TPRA1: variants seen among roughly 807,000 people sequenced by gnomAD.
TPRA1 encodes transmembrane protein adipocyte associated 1.
A neutral mutation model predicts 40.1 loss-of-function variants in TPRA1; 28 were observed. That is an observed-to-expected ratio of 0.70 (90% CI 0.52 to 0.96). TPRA1 has a LOEUF of 0.96. TPRA1 is among the 40% of genes least tolerant of loss of function. The pLI, the probability that TPRA1 is intolerant of heterozygous loss-of-function variation, is 0.00. For missense variants in TPRA1, 441 were observed against 482.6 expected (o/e 0.91, Z 0.81); for synonymous variants, 219 against 209.7 (o/e 1.04, Z -0.38).
At chr3:127,586,481 C>A (rs1026066586) in intron 1 of TPRA1, among the ~76,000 whole-genome samples, 4 of 152,210 alleles carry the variant, frequency 2.6e-5, no homozygotes, top group Non-Finnish European at 4.4e-5. Context: ...ATCTCAGCCT[C>A]CCAAGTAGCT....
chr3:127,583,901 C>G lies in TPRA1; in HGVS notation c.-17-3738G>C, dbSNP rs553782153. On this transcript the variant is annotated intron_variant, in intron 1 of 10. Coordinates refer to ENST00000355552, the MANE Select transcript of TPRA1 (RefSeq NM_001136053.4). ...GGCCAGGATGGTCTCGATCTCCTGACCTCGTGATCCGCCCACCTCGGCCTC... is the reference window on the plus strand; with the variant it reads ...GGCCAGGATGGTCTCGATCTCCTGAGCTCGTGATCCGCCCACCTCGGCCTC... Among the ~76,000 whole-genome samples the G allele has an allele frequency of 2.7e-4, 41 of 152,024 alleles. No individual in the cohort carries two copies. The South Asian group carries it at 5.2e-3, about 19-fold the overall frequency.
upstream of TPRA1, among the ~76,000 whole-genome samples, chr3:127,592,375 T>G (rs934176626): frequency 3.3e-3 from 428 of 131,608 alleles, 1 homozygote; most frequent in African/African-American, 0.011. Flanking sequence ...CTGTTTTTTT[T>G]TTTTTTTTTT....
intron 1 of TPRA1, 144 bp from the exon 2 acceptor site, chr3:127,580,307 G>A (rs768942634): frequency 3.2e-6 from 3 of 931,276 alleles, no homozygotes; most frequent in Non-Finnish European, 4.7e-6. Flanking sequence ...GCAGCTCAGT[G>A]TGGGGCTCCA....
upstream of TPRA1, among the ~76,000 whole-genome samples, chr3:127,593,148 G>A (rs2074206323): frequency 6.6e-6 from 1 of 152,236 alleles, no homozygotes; most frequent in South Asian, 2.1e-4. Context: ...GCCTTTGAGA[G>A]CTGAGGCAGT....
At chr3:127,575,065 T>C in intron 10 of TPRA1, 120 bp downstream of exon 10, 2 of 1,055,296 alleles carry the variant, frequency 1.9e-6, no homozygotes, top group East Asian at 2.5e-5. Context: ...TGTATGTATG[T>C]GCGTGCGCAT....
At chr3:127,596,971 C>T (rs894992378) in intron 1 of TPRA1, among the ~76,000 whole-genome samples, 1 of 152,108 alleles carries the variant, frequency 6.6e-6, no homozygotes, top group East Asian at 1.9e-4. Context: ...CAAAAATTAA[C>T]CGGGCACAAT....
At position 127,573,598 on chromosome 3, in the gene TPRA1, C is replaced by A. The variant is rs776055660; in HGVS notation, c.1045G>T (p.Asp349Tyr). 1 of 1,613,186 alleles carries A rather than the reference C, an allele frequency of 6.2e-7. No individual in the cohort carries two copies. Residue 349 changes from aspartate to tyrosine, a missense_variant, in exon 11 of 11, where the codon GAC (aspartate) becomes TAC (tyrosine). Transcript: ENST00000355552. ...GTGTGGCAGGGCATGGAAGCGATGT[C>A]ATCCAGGTAGGCCACCCCGCCGGCA... ...DSAGGVAYLD[D>Y]IASMPCHTGS... is the part of the protein sequence containing the mutation.
Position 127,580,082 on chromosome 3 carries a change from G to A in TPRA1, c.65C>T (p.Pro22Leu). The A allele has an allele frequency of 1.2e-6, 2 of 1,613,860 alleles. No individual in the cohort carries two copies. Among genetic ancestry groups the A allele is most frequent in the Non-Finnish European group, 1.7e-6 (2 of 1,180,012 alleles). ...GSTALPPPLA[P>L]NISVPHRCLL... Reference sequence around the variant, plus strand: ...GCAGCGATGAGGCACACTGATGTTTGGTGCCAGGGGTGGGGGTAGCGCTGT... The same window carrying A: ...GCAGCGATGAGGCACACTGATGTTTAGTGCCAGGGGTGGGGGTAGCGCTGT... Residue 22 changes from proline to leucine, a missense_variant, in exon 2 of 11, where the codon CCA (proline) becomes CTA (leucine). Transcript: ENST00000355552.
At chr3:127,583,623 C>T (rs1035226253) in intron 1 of TPRA1, among the ~76,000 whole-genome samples, 1 of 151,758 alleles carries the variant, frequency 6.6e-6, no homozygotes, top group Admixed American at 6.6e-5. Flanking sequence ...GAAGATGGCT[C>T]CTTCCCTACT....
chr3:127,585,090 T>C (rs73858490), intron 1 of TPRA1, among the ~76,000 whole-genome samples: 36 of 152,286 alleles, frequency 2.4e-4, no homozygotes, highest in African/African-American at 8.7e-4. Flanking sequence ...AAATAATCTA[T>C]TTTATTATCC....
In TPRA1 at chr3:127,576,533, A is replaced by T; in HGVS notation, c.498+84T>A. ...TTTGAGAACTCTGAAGGTGATAAAG[A>T]CTGGAAACCTGACCCAGACCCAGAA... On this transcript the variant is annotated intron_variant, in intron 6 of 10. Transcript: ENST00000355552. This position sits in a 1 kb window ranked among gnomAD's most constrained non-coding sequence, Gnocchi z 4.6. 7.5e-7 allele frequency: 1 copy of T among 1,331,412 alleles called. No homozygotes were observed. The highest frequency in any genetic ancestry group is 1.4e-5 in the South Asian group (1 of 73,474). 82.5% of individuals were successfully genotyped at this position (1,331,412 alleles called of 1,614,324 possible). A position where few individuals can be genotyped will look rare whatever the true frequency, so the allele number is the denominator to read the frequency against.
chr3:127,574,059 A>G (rs2073479448), intron 10 of TPRA1, among the ~76,000 whole-genome samples: 1 of 152,150 alleles, frequency 6.6e-6, no homozygotes, highest in African/African-American at 2.4e-5. Flanking sequence ...GTGTGGAGGA[A>G]GAATGGACAT....
Position 127,597,100 on chromosome 3 carries a change from A to G in TPRA1, c.-391+907T>C, listed in dbSNP as rs1006038721. Among the ~76,000 whole-genome samples, 5 of 151,274 alleles carry G rather than the reference A, an allele frequency of 3.3e-5. No individual in the cohort carries two copies. The East Asian group carries it at 9.7e-4, about 29-fold the overall frequency. ...CACTGCACTCCAGCCTGGGTGACAG[A>G]GTGACTCTGTCTCAAAAAAAAAAAA... On this transcript the variant is annotated intron_variant, in intron 1 of 3. Transcript: ENST00000462228.
chr3:127,589,452 G>A (rs1212005256), intron 1 of TPRA1, among the ~76,000 whole-genome samples: 1 of 152,206 alleles, frequency 6.6e-6, no homozygotes, highest in Non-Finnish European at 1.5e-5. Context: ...GGGTGACAAG[G>A]TGGGGAAGGC....
At position 127,576,471 on chromosome 3, in the gene TPRA1, G is replaced by A. The variant is rs2107627325; in HGVS notation, c.498+146C>T. On this transcript the variant is annotated intron_variant, in intron 6 of 10. Coordinates refer to ENST00000355552, the MANE Select transcript of TPRA1 (RefSeq NM_001136053.4). This position sits in a 1 kb window ranked among gnomAD's most constrained non-coding sequence, Gnocchi z 4.6. Reference sequence around the variant, plus strand: ...CCAGGGGACCCCAGAATGTGCCTCGGTAACAAGCACCCCATGTGATTTCTC... The same window carrying A: ...CCAGGGGACCCCAGAATGTGCCTCGATAACAAGCACCCCATGTGATTTCTC... 1 of 816,590 alleles carries A rather than the reference G, an allele frequency of 1.2e-6. No homozygotes were observed. The highest frequency in any genetic ancestry group is 1.9e-6 in the Non-Finnish European group (1 of 534,582). 50.6% of individuals were successfully genotyped at this position (816,590 alleles called of 1,614,324 possible).
intron 1 of TPRA1, among the ~76,000 whole-genome samples, chr3:127,589,708 C>G (rs1447903793): frequency 6.6e-6 from 1 of 152,160 alleles, no homozygotes; most frequent in Admixed American, 6.5e-5. Flanking sequence ...GAAGCCTTCC[C>G]TTCTCAGCTG....
At chr3:127,582,556 G>T (rs1400623127) in intron 1 of TPRA1, among the ~76,000 whole-genome samples, 1 of 152,002 alleles carries the variant, frequency 6.6e-6, no homozygotes, top group Non-Finnish European at 1.5e-5. Flanking sequence ...ACAAAAATTA[G>T]CCAGGCATGG....
intron 1 of TPRA1, among the ~76,000 whole-genome samples, chr3:127,585,972 T>C (rs532127563): frequency 7.2e-5 from 11 of 152,294 alleles, no homozygotes; most frequent in African/African-American, 2.6e-4. Flanking sequence ...CTGCAATGCA[T>C]AGGACAGTCT....
At chr3:127,589,299 G>A (rs2074095373) in intron 1 of TPRA1, among the ~76,000 whole-genome samples, 1 of 152,130 alleles carries the variant, frequency 6.6e-6, no homozygotes, top group South Asian at 2.1e-4. Flanking sequence ...TCTCTCATCT[G>A]TGCAACAGGA....
Sources: allele counts gnomAD v4.1 joint callset (sites outside exome capture counted in the v4.1 genomes callset), GRCh38; gene constraint gnomAD v4.1.1; non-coding constraint Gnocchi (gnomAD v3.1); transcripts MANE v1.5; gene names NCBI Gene and HGNC (gene_info 2026-07-23, HGNC 2026-07-21).